Variants in TOGARAM1 observed in about 807,000 individuals in gnomAD.
The protein encoded by TOGARAM1 is TOG array regulator of axonemal microtubules protein 1.
TOGARAM1 carries 100 observed loss-of-function variants against 166.6 expected under a neutral mutation model. The observed-to-expected ratio is 0.60, with a 90% CI of 0.51 to 0.71. The LOEUF (loss-of-function observed/expected upper bound fraction) is 0.71, where lower values mean the gene tolerates loss of function less well. TOGARAM1 is among the 30% of genes least tolerant of loss of function. The probability of loss-of-function intolerance (pLI) is 0.00; values close to 1 mark genes in which losing one functional copy is unlikely to be tolerated. For synonymous variants in TOGARAM1, 758 were observed against 763.8 expected (o/e 0.99, Z 0.13); for missense variants, 2,029 against 2,102.7 (o/e 0.96, Z 0.69).
At chr14:45,044,348 C>A (rs1231521069) in intron 12 of TOGARAM1, among the ~76,000 whole-genome samples, 2 of 152,006 alleles carry the variant, frequency 1.3e-5, no homozygotes, top group African/African-American at 2.4e-5. Flanking sequence ...TGAGACCAGT[C>A]GGCCCAACAT....
At chr14:45,036,069 G>A (rs765157476) in intron 11 of TOGARAM1, among the ~76,000 whole-genome samples, 6 of 147,924 alleles carry the variant, frequency 4.1e-5, no homozygotes, top group Non-Finnish European at 7.4e-5. Flanking sequence ...GTTCGAGGCT[G>A]CAGTGAGCTG....
chr14:45,002,321 C>G (rs1326994637), intron 3 of TOGARAM1, among the ~76,000 whole-genome samples: 1 of 152,150 alleles, frequency 6.6e-6, no homozygotes. Flanking sequence ...TAGGCTATCC[C>G]TGAATAATTA....
At chr14:45,042,415 T>A (rs950458914) in intron 11 of TOGARAM1, 56 of 152,064 alleles carry the variant, frequency 3.7e-4, no homozygotes, top group African/African-American at 9.4e-4. Context: ...TAAAAGGGTC[T>A]ATGCATCAAG....
At chr14:44,998,980 A>G (rs1050517674) in intron 2 of TOGARAM1, among the ~76,000 whole-genome samples, 1 of 152,354 alleles carries the variant, frequency 6.6e-6, no homozygotes, top group Middle Eastern at 3.4e-3. Flanking sequence ...CAAAAAAAGT[A>G]AAGTAGAAAG....
chr14:45,052,323 T>C (rs1374138024), intron 14 of TOGARAM1, 113 bp from the exon 15 acceptor site: 9 of 775,996 alleles, frequency 1.2e-5, no homozygotes, highest in Admixed American at 2.7e-5. Flanking sequence ...ATAGGGATGG[T>C]AATCTTGATG....
intron 19 of TOGARAM1, among the ~76,000 whole-genome samples, chr14:45,072,783 C>A (rs1280064156): frequency 1.3e-5 from 2 of 151,596 alleles, no homozygotes; most frequent in African/African-American, 2.4e-5. Flanking sequence ...AAAGGAGTAT[C>A]TAGTAGAAAG....
chr14:45,010,513 G>A (rs545878770), intron 6 of TOGARAM1, among the ~76,000 whole-genome samples: 2 of 152,282 alleles, frequency 1.3e-5, no homozygotes, highest in East Asian at 1.9e-4. Flanking sequence ...TTGCAAGGTT[G>A]TGTAAATAAT....
chr14:45,047,731 A>G (rs1168100515), intron 14 of TOGARAM1, among the ~76,000 whole-genome samples: 1 of 152,112 alleles, frequency 6.6e-6, no homozygotes, highest in Non-Finnish European at 1.5e-5. Flanking sequence ...GGTGACCAGT[A>G]ATGTCCCATA....
intron 7 of TOGARAM1, among the ~76,000 whole-genome samples, chr14:45,022,213 G>A (rs1023173722): frequency 3.7e-4 from 56 of 151,904 alleles, no homozygotes; most frequent in Admixed American, 9.8e-4. Context: ...CCGCATCTGG[G>A]AATTATTTCA....
At position 45,043,758 on chromosome 14, in the gene TOGARAM1, G is replaced by T. The variant is rs775451579; in HGVS notation, c.3885G>T (p.Lys1295Asn). The T allele has an allele frequency of 2.2e-5, 35 of 1,612,928 alleles. No homozygotes were observed. Among genetic ancestry groups the T allele is most frequent in the Non-Finnish European group, 2.9e-5 (34 of 1,179,172 alleles). Residue 1295 changes from lysine to asparagine, a missense_variant, in exon 12 of 20, where the codon AAG becomes AAT. By Grantham distance (94) the Lys-to-Asn change is moderately conservative. Coordinates refer to ENST00000361462, the MANE Select transcript of TOGARAM1 (RefSeq NM_001308120.2). ...AAFHSEILNT[K>N]LHETNFAVVQ... The stretch of plus-strand genomic sequence containing the variant: ...TTCATTCTGAGATACTGAACACAAA[G>T]TTGCATGAAACAAATTTTGCAGTTG...
At chr14:44,968,310 A>G (rs1459537747) in intron 1 of TOGARAM1, among the ~76,000 whole-genome samples, 2 of 152,140 alleles carry the variant, frequency 1.3e-5, no homozygotes, top group Admixed American at 6.5e-5. Flanking sequence ...CCCAGGCTGG[A>G]GTGCAGTGGC....
At chr14:45,035,817 A>G (rs1881397886) in intron 11 of TOGARAM1, among the ~76,000 whole-genome samples, 1 of 152,052 alleles carries the variant, frequency 6.6e-6, no homozygotes, top group Non-Finnish European at 1.5e-5. Flanking sequence ...ATCTTTCAAA[A>G]ATAAAAGTAG....
intron 19 of TOGARAM1, among the ~76,000 whole-genome samples, chr14:45,072,585 T>A (rs571277810): frequency 1.9e-4 from 29 of 152,050 alleles, no homozygotes; most frequent in Non-Finnish European, 3.5e-4. Context: ...CTACCACGCC[T>A]GGCTAGTTTT....
At chr14:45,032,484 G>C in intron 11 of TOGARAM1, 108 bp downstream of exon 11, 3 of 1,160,462 alleles carry the variant, frequency 2.6e-6, no homozygotes, top group Non-Finnish European at 2.4e-6. Flanking sequence ...TCTTAGAAAT[G>C]ATTATTTAGT....
intron 19 of TOGARAM1, 108 bp downstream of exon 19, chr14:45,071,906 A>G: frequency 1.4e-6 from 1 of 728,772 alleles, no homozygotes; most frequent in Non-Finnish European, 2.2e-6. Context: ...AGCTACCCAC[A>G]AAGTAGAAAT....
chr14:44,985,728 C>G (rs1388701084), intron 1 of TOGARAM1, among the ~76,000 whole-genome samples: 2 of 152,240 alleles, frequency 1.3e-5, no homozygotes, highest in African/African-American at 2.4e-5. Flanking sequence ...AGGCCAGGAC[C>G]AGTAGCAGTC....
chr14:44,990,434 G>A (rs549235352), intron 1 of TOGARAM1, among the ~76,000 whole-genome samples: 1 of 152,298 alleles, frequency 6.6e-6, no homozygotes, highest in South Asian at 2.1e-4. Flanking sequence ...CAAGACTCTA[G>A]GTCTCAGAAA....
intron 3 of TOGARAM1, among the ~76,000 whole-genome samples, chr14:45,002,851 C>T (rs989684989): frequency 6.6e-6 from 1 of 152,060 alleles, no homozygotes; most frequent in Admixed American, 6.6e-5. Context: ...TGGTGGCGGG[C>T]ACCTATCATC....
chr14:44,975,381 A>C (rs1886121891), intron 1 of TOGARAM1, among the ~76,000 whole-genome samples: 1 of 152,196 alleles, frequency 6.6e-6, no homozygotes, highest in Admixed American at 6.5e-5. Context: ...TTTGAAGGGC[A>C]GTGTGCATCT....
Sources: gnomAD v4.1 joint callset for allele counts (sites outside exome capture counted in the v4.1 genomes callset) on GRCh38, gnomAD v4.1.1 for gene constraint, MANE v1.5 for transcripts, NCBI Gene and HGNC (gene_info 2026-07-23, HGNC 2026-07-21) for gene names.